Variants in PCNT observed in about 807,000 individuals in gnomAD.
PCNT encodes kendrin.
A neutral mutation model predicts 380.4 loss-of-function variants in PCNT; 319 were observed. The observed-to-expected ratio is 0.84, with a 90% CI of 0.77 to 0.92. The LOEUF is 0.92. Ranked by LOEUF, PCNT falls within the 40% of genes least tolerant of loss-of-function variation. The probability of loss-of-function intolerance (pLI) is 0.00; values close to 1 mark genes in which losing one functional copy is unlikely to be tolerated. For synonymous variants in PCNT, 1,845 were observed against 1,735.2 expected, an observed-to-expected ratio of 1.06 and a Z score of -1.57; for missense variants, 4,400 against 4,255.3, an observed-to-expected ratio of 1.03 and a Z score of -0.95.
In PCNT at chr21:46,363,869, C is replaced by CG. The variant is rs776605137; in HGVS notation, c.2548dup (p.Glu850GlyfsTer27). The stretch of plus-strand genomic sequence containing the variant: ...GGCGGGAGCCGCCCACAGCCCAGGA[C>CG]GGGGAGCTTGCTGCGCTCCACGTGA... On this transcript the variant is annotated frameshift_variant, in exon 14 of 47. Transcript: ENST00000359568. LOFTEE classifies it high-confidence loss of function. 6.2e-7 allele frequency: 1 copy of CG among 1,612,350 alleles called. No individual in the cohort carries two copies. Among genetic ancestry groups the CG allele is most frequent in the Non-Finnish European group, 8.5e-7 (1 of 1,179,418 alleles).
intron 15 of PCNT, among the ~76,000 whole-genome samples, chr21:46,372,189 A>C (rs2085167318): frequency 6.7e-6 from 1 of 148,850 alleles, no homozygotes; most frequent in Non-Finnish European, 1.5e-5. Flanking sequence ...ATGCACACAC[A>C]GCACACACAC....
intron 29 of PCNT, among the ~76,000 whole-genome samples, chr21:46,413,896 A>C (rs1402480649): frequency 6.6e-6 from 1 of 152,160 alleles, no homozygotes; most frequent in Non-Finnish European, 1.5e-5. Context: ...CCAGTGCACC[A>C]GGGGCAGGTC....
In PCNT at chr21:46,355,499, C is replaced by T; in HGVS notation, c.1809C>T (p.His603=). 6.2e-7 allele frequency: 1 copy of T among 1,614,078 alleles called. No individual in the cohort carries two copies. Among genetic ancestry groups the T allele is most frequent in the Non-Finnish European group, 8.5e-7 (1 of 1,180,030 alleles). Residue 603 remains histidine (H), a synonymous_variant, in exon 12 of 47, where the codon CAC becomes CAT. Coordinates refer to ENST00000359568, the MANE Select transcript of PCNT (RefSeq NM_006031.6). The part of the protein sequence containing the change: ...FQAELEESHR[H]QLEALESPLC... ...CGGAGTTAGAAGAAAGCCACAGGCA[C>T]CAGCTGGAAGCGCTGGAGTCTCCCC...
intron 30 of PCNT, among the ~76,000 whole-genome samples, chr21:46,417,820 T>G (rs1290024672): frequency 1.3e-5 from 2 of 152,158 alleles, no homozygotes; most frequent in African/African-American, 4.8e-5. Context: ...GGAGGATCAC[T>G]TGACCTTGGG....
At chr21:46,346,630 G>C (rs554471259) in intron 4 of PCNT, 113 bp from the exon 5 acceptor site, 2 of 1,324,382 alleles carry the variant, frequency 1.5e-6, no homozygotes, top group African/African-American at 1.4e-5. Context: ...CGGGATGTCT[G>C]CTGTTTCATT....
chr21:46,440,992 G>T lies in PCNT; in HGVS notation c.9531G>T (p.Leu3177Phe). The T allele has an allele frequency of 3.1e-6, 5 of 1,613,850 alleles. No homozygotes were observed. The highest frequency in any genetic ancestry group is 2.5e-6 in the Non-Finnish European group (3 of 1,179,726). ...AAACACTCTCCATGATTGCCCATTT[G>T]GGGGTATTTCCTTCCAAAGCAGAAC... ...EQETLSMIAH[L>F]GVFPSKAERK... Residue 3177 changes from leucine (L) to phenylalanine (F), a missense_variant, in exon 43 of 47, where the codon TTG (leucine) becomes TTT (phenylalanine). Transcript: ENST00000359568.
chr21:46,372,197 C>T (rs961119995), intron 15 of PCNT, among the ~76,000 whole-genome samples: 6 of 150,976 alleles, frequency 4.0e-5, no homozygotes, highest in African/African-American at 1.5e-4. Flanking sequence ...ACAGCACACA[C>T]ACAGAGAGCA....
At chr21:46,370,090 G>T (rs1219523781) in intron 15 of PCNT, among the ~76,000 whole-genome samples, 5 of 152,176 alleles carry the variant, frequency 3.3e-5, no homozygotes, top group Admixed American at 3.3e-4. Context: ...TCATCAGAGC[G>T]TTCAGGCACT....
intron 40 of PCNT, among the ~76,000 whole-genome samples, chr21:46,437,565 C>G (rs1382285963): frequency 1.3e-5 from 2 of 152,198 alleles, no homozygotes; most frequent in Non-Finnish European, 2.9e-5. Flanking sequence ...CCCAAGTCCT[C>G]CTTGGAAAGT....
At position 46,324,294 on chromosome 21, in the gene PCNT, G is replaced by C. The variant is rs1265911199; in HGVS notation, c.54+12G>C. The C allele has an allele frequency of 1.2e-5, 20 of 1,603,262 alleles. No homozygotes were observed. The highest frequency in any genetic ancestry group is 1.6e-5 in the Non-Finnish European group (19 of 1,173,284). ...CCGGGAGGACGAAGGTAAACATTAG[G>C]GGCTTCTTCTCTAGCTGCTCTGGCG... On this transcript the variant is annotated intron_variant, in intron 1 of 46. Coordinates refer to ENST00000359568, the MANE Select transcript of PCNT (RefSeq NM_006031.6).
chr21:46,403,408 C>A (rs1401762226), intron 27 of PCNT, among the ~76,000 whole-genome samples: 2 of 136,494 alleles, frequency 1.5e-5, no homozygotes, highest in East Asian at 4.6e-4. Context: ...CCACGCGGCG[C>A]GTGATTGGTG....
chr21:46,386,385 A>G (rs1388818814), intron 17 of PCNT, among the ~76,000 whole-genome samples: 1 of 152,200 alleles, frequency 6.6e-6, no homozygotes, highest in Non-Finnish European at 1.5e-5. Flanking sequence ...GACTGTGTGC[A>G]AGTGTCGTGC....
At chr21:46,402,570 G>A (rs1381756322) in intron 27 of PCNT, 87 bp downstream of exon 27, 63 of 1,426,154 alleles carry the variant, frequency 4.4e-5, no homozygotes, top group Non-Finnish European at 5.3e-5. Flanking sequence ...TCGGGGAGGC[G>A]AGTCTCTGGT....
intron 16 of PCNT, 126 bp downstream of exon 16, chr21:46,381,966 C>T (rs1427847991): frequency 4.1e-6 from 4 of 981,818 alleles, no homozygotes; most frequent in South Asian, 2.9e-5. Context: ...TAGTGTTGTA[C>T]ATTCAGTGGC....
At chr21:46,346,278 C>CTGCG in intron 4 of PCNT, 70 bp downstream of exon 4, 1 of 544,572 alleles carries the variant, frequency 1.8e-6, no homozygotes, top group Non-Finnish European at 3.5e-6. Flanking sequence ...AGTGGGCATC[C>CTGCG]GGGTGGGGGT....
rs572222540 is a variant in PCNT at position 46,436,047 on chromosome 21, G to A, written c.8895G>A (p.Ala2965=). The change falls in exon 39 of 47, where the codon GCG becomes GCA. Residue 2965 remains alanine, a synonymous_variant. Transcript: ENST00000359568. ...GSARRAAGSD[A]DHLREQQREL... is the part of the protein sequence containing the mutation. The stretch of plus-strand genomic sequence containing the variant: ...CCCGCAGGGCTGCCGGCTCGGATGC[G>A]GACCACCTCCGGGAACAGCAGCGAG... 1.1e-3 allele frequency: 1,756 copies of A among 1,613,748 alleles called. 31 individuals carry two copies. In the South Asian group the frequency reaches 0.018, roughly 17 times the overall value.
At position 46,416,496 on chromosome 21, in the gene PCNT, C is replaced by G. The variant is rs368565898; in HGVS notation, c.6578C>G (p.Pro2193Arg). The change falls in exon 30 of 47, where the codon CCG (proline) becomes CGG (arginine). Residue 2193 changes from proline (P) to arginine (R), a missense_variant. Transcript: ENST00000359568. ...SECQDMSLSS[P>R]TSVLGGSRHQ... ...TGTCAGGACATGTCTCTTTCTTCAC[C>G]GACCAGCGTACTTGGTGGCTCCCGC... 42 of 1,613,858 alleles carry G rather than the reference C, an allele frequency of 2.6e-5. No homozygotes were observed. Among genetic ancestry groups the G allele is most frequent in the African/African-American group, 5.3e-5 (4 of 74,922 alleles).
At chr21:46,444,900 C>A in intron 46 of PCNT, 79 bp downstream of exon 46, 1 of 1,367,496 alleles carries the variant, frequency 7.3e-7, no homozygotes, top group Non-Finnish European at 1.0e-6. Flanking sequence ...TGAAAGATGG[C>A]TGGTATTCAG....
Position 46,427,723 on chromosome 21 carries a change from C to T in PCNT, c.7422C>T (p.Pro2474=). ...EQEMQGVELQ[P]RLSGSDLGGH... is the part of the protein sequence containing the mutation. The stretch of plus-strand genomic sequence containing the variant: ...AGATGCAGGGGGTTGAGCTGCAGCC[C>T]CGACTCAGTGGCTCAGATCTGGGGG... Residue 2474 remains proline (P), a synonymous_variant, in exon 34 of 47, where the codon CCC becomes CCT. Transcript: ENST00000359568. 1.2e-6 allele frequency: 2 copies of T among 1,613,808 alleles called. No individual in the cohort carries two copies. The highest frequency in any genetic ancestry group is 1.7e-6 in the Non-Finnish European group (2 of 1,180,006).
Sources: gnomAD v4.1 joint callset for allele counts (sites outside exome capture counted in the v4.1 genomes callset) on GRCh38, gnomAD v4.1.1 for gene constraint, MANE v1.5 for transcripts, NCBI Gene and HGNC (gene_info 2026-07-23, HGNC 2026-07-21) for gene names.